RAB6A: variants seen among roughly 807,000 people sequenced by gnomAD.
The protein encoded by RAB6A is RAB6A, member RAS oncogene family.
A neutral mutation model predicts 32.3 loss-of-function variants in RAB6A; 8 were observed. That is an observed-to-expected ratio of 0.25 (90% confidence interval 0.15 to 0.45). The LOEUF (loss-of-function observed/expected upper bound fraction) is 0.45, where lower values mean the gene tolerates loss of function less well. Ranked by LOEUF, RAB6A falls within the 20% of genes least tolerant of loss-of-function variation. The pLI is 1.00. For missense variants in RAB6A, 104 were observed against 249.4 expected (o/e 0.42, Z 3.93); for synonymous variants, 73 against 82.1 (o/e 0.89, Z 0.60).
At chr11:73,717,300 C>T (rs548949326) in intron 4 of RAB6A, among the ~76,000 whole-genome samples, 4 of 152,206 alleles carry the variant, frequency 2.6e-5, no homozygotes, top group Non-Finnish European at 5.9e-5. Context: ...ATGAATAGTT[C>T]CTTTGTCTAT....
intron 6 of RAB6A, 104 bp from the exon 7 acceptor site, chr11:73,679,824 G>T: frequency 6.9e-7 from 1 of 1,451,638 alleles, no homozygotes; most frequent in East Asian, 2.3e-5. Context: ...GGGCGCAGTG[G>T]CTCACACCTG....
chr11:73,739,806 C>T (rs1173126233), intron 1 of RAB6A, among the ~76,000 whole-genome samples: 1 of 152,100 alleles, frequency 6.6e-6, no homozygotes, highest in Non-Finnish European at 1.5e-5. Context: ...CCTGTAATCC[C>T]AGCACTTTGG....
intron 6 of RAB6A, among the ~76,000 whole-genome samples, chr11:73,692,695 A>T (rs1337204539): frequency 6.7e-6 from 1 of 149,958 alleles, no homozygotes; most frequent in Non-Finnish European, 1.5e-5. Context: ...TCACGCCTAT[A>T]ATCCCAGCAC....
chr11:73,753,391 T>TGG (rs748491337), intron 1 of RAB6A, among the ~76,000 whole-genome samples: 158 of 151,602 alleles, frequency 1.0e-3, no homozygotes, highest in Non-Finnish European at 1.3e-4. Flanking sequence ...GAGACAGGGT[T>TGG]TCACCATGTT....
rs1428587383 is a variant in RAB6A at position 73,676,422 on chromosome 11, C to T, written c.*1476G>A. The T allele has an allele frequency of 1.2e-5, 2 of 165,994 alleles. No homozygotes were observed. The highest frequency in any genetic ancestry group is 2.9e-5 in the Non-Finnish European group (2 of 67,972). The allele number at this position is 165,994 out of a possible 1,614,324, so 10.3% of individuals were successfully genotyped here. On this transcript the variant is annotated 3_prime_UTR_variant, in exon 8 of 8. Coordinates refer to ENST00000336083, the MANE Select transcript of RAB6A (RefSeq NM_198896.2). ...TGTTTGCAGTGTTTTAAGGGAAATA[C>T]ATATTGCCATGGTGAAGCTCTAAAT...
chr11:73,739,277 A>AT (rs1160212517), intron 1 of RAB6A, among the ~76,000 whole-genome samples: 8 of 46,724 alleles, frequency 1.7e-4, no homozygotes, highest in East Asian at 8.8e-4. Flanking sequence ...AAAAAAAAAA[A>AT]AAAAAAAATA....
chr11:73,734,980 G>C (rs542024684), intron 1 of RAB6A, among the ~76,000 whole-genome samples: 2 of 152,288 alleles, frequency 1.3e-5, no homozygotes, highest in Non-Finnish European at 2.9e-5. Context: ...CATTTCCTTT[G>C]AAAGTCATGT....
intron 5 of RAB6A, among the ~76,000 whole-genome samples, chr11:73,711,633 G>A (rs1945959330): frequency 6.6e-6 from 1 of 152,328 alleles, no homozygotes; most frequent in East Asian, 1.9e-4. Flanking sequence ...ATCTTGAGGA[G>A]ATTCCTAGAA....
intron 1 of RAB6A, 33 bp downstream of exon 1, chr11:73,760,533 C>G: frequency 6.3e-7 from 1 of 1,578,490 alleles, no homozygotes; most frequent in Non-Finnish European, 8.6e-7. Context: ...ACGCTGCGGC[C>G]AGCTGCCAGG....
intron 1 of RAB6A, among the ~76,000 whole-genome samples, chr11:73,756,109 T>C (rs948062242): frequency 1.3e-5 from 2 of 152,068 alleles, no homozygotes; most frequent in Non-Finnish European, 2.9e-5. Context: ...TCCCAGCACT[T>C]TGGGAGGCTG....
rs374803619 is a variant in RAB6A, at chr11:73,677,473, T to C, written c.*425A>G. On this transcript the variant is annotated 3_prime_UTR_variant, in exon 8 of 8. Coordinates refer to ENST00000336083, the MANE Select transcript of RAB6A (RefSeq NM_198896.2). ...GAAGTCGGGGGAGGCTAGGTAAGAA[T>C]AGGGTAATAGGGAATGGGGGTAAGT... is the stretch of plus-strand genomic sequence containing the variant. 16 of 263,544 alleles carry C rather than the reference T, an allele frequency of 6.1e-5. No individual in the cohort carries two copies. The highest frequency in any genetic ancestry group is 8.4e-5 in the Non-Finnish European group (11 of 131,238). The allele number at this position is 263,544 out of a possible 1,614,324, so 16.3% of individuals were successfully genotyped here. A position where few individuals can be genotyped will look rare whatever the true frequency, so the allele number is the denominator to read the frequency against.
chr11:73,688,026 T>G (rs1357080456), intron 6 of RAB6A, among the ~76,000 whole-genome samples: 2 of 152,214 alleles, frequency 1.3e-5, no homozygotes, highest in East Asian at 3.8e-4. Context: ...TTATGCTGGT[T>G]TGTGCCCTTA....
At chr11:73,742,569 T>C (rs1370602345) in intron 1 of RAB6A, among the ~76,000 whole-genome samples, 5 of 152,198 alleles carry the variant, frequency 3.3e-5, no homozygotes, top group African/African-American at 9.6e-5. Flanking sequence ...CCCAACACAC[T>C]GGGAGGCTGA....
intron 1 of RAB6A, chr11:73,760,052 C>A (rs905447157): frequency 3.1e-6 from 4 of 1,289,336 alleles, no homozygotes; most frequent in Admixed American, 4.6e-5. Flanking sequence ...TCCCACCTTC[C>A]ACGACATCAG....
At chr11:73,679,596 C>G in intron 7 of RAB6A, 58 bp downstream of exon 7, 2 of 1,590,248 alleles carry the variant, frequency 1.3e-6, no homozygotes, top group East Asian at 4.5e-5. Context: ...GCCAAGCAAG[C>G]AGGGCTCTAA....
At chr11:73,719,587 T>G (rs1946104990) in intron 3 of RAB6A, among the ~76,000 whole-genome samples, 2 of 152,022 alleles carry the variant, frequency 1.3e-5, no homozygotes, top group African/African-American at 4.8e-5. Flanking sequence ...AGTTCTTGCA[T>G]CATGATAAAG....
At chr11:73,731,997 C>A (rs1165610526) in intron 1 of RAB6A, among the ~76,000 whole-genome samples, 4 of 151,212 alleles carry the variant, frequency 2.6e-5, no homozygotes, top group African/African-American at 9.7e-5. Context: ...CCTCGGCCTC[C>A]CAAAGTGCTG....
At chr11:73,737,529 C>T (rs1283775724) in intron 1 of RAB6A, among the ~76,000 whole-genome samples, 2 of 152,034 alleles carry the variant, frequency 1.3e-5, no homozygotes, top group African/African-American at 2.4e-5. Context: ...ATCATTATAA[C>T]ATATGGCAAG....
At chr11:73,704,481 G>A (rs567116533) in intron 6 of RAB6A, among the ~76,000 whole-genome samples, 6 of 150,906 alleles carry the variant, frequency 4.0e-5, no homozygotes, top group East Asian at 2.0e-4. Flanking sequence ...TCAGGAGATC[G>A]AGACCATCCT....
Sources: allele counts gnomAD v4.1 joint callset (sites outside exome capture counted in the v4.1 genomes callset), GRCh38; gene constraint gnomAD v4.1.1; transcripts MANE v1.5; gene names NCBI Gene and HGNC (gene_info 2026-07-23, HGNC 2026-07-21).